KIAA1217: variants seen among roughly 807,000 people sequenced by gnomAD.
KIAA1217 encodes the protein KIAA1217.
A neutral mutation model predicts 163.9 loss-of-function variants in KIAA1217; 88 were observed. The observed-to-expected ratio is 0.54, with a 90% CI of 0.45 to 0.64. The LOEUF (loss-of-function observed/expected upper bound fraction) is 0.64. Among genes scored for constraint, KIAA1217 ranks in the 30% least tolerant of loss-of-function variants. KIAA1217 has a pLI of 0.00. For missense variants in KIAA1217, 2,372 were observed against 2,475.0 expected, an observed-to-expected ratio of 0.96 and a Z score of 0.88; for synonymous variants, 903 against 923.1, an observed-to-expected ratio of 0.98 and a Z score of 0.39.
chr10:23,985,014 A>G lies in KIAA1217; in HGVS notation c.-320-22211A>G, dbSNP rs1358437308. The stretch of plus-strand genomic sequence containing the variant: ...GCCACAACCACCATTCTTTTGGGAC[A>G]TGGCTCTCTATAGACTAAAAGAAGT... On this transcript the variant is annotated intron_variant, in intron 1 of 18. Transcript: ENST00000376462. Among the ~76,000 whole-genome samples, 3 of 152,040 alleles carry G rather than the reference A, an allele frequency of 2.0e-5. No individual in the cohort carries two copies. In the East Asian group the frequency reaches 5.8e-4, roughly 29 times the overall value.
intron 2 of KIAA1217, among the ~76,000 whole-genome samples, chr10:24,161,607 T>C (rs1217690408): frequency 6.6e-6 from 1 of 152,222 alleles, no homozygotes; most frequent in Non-Finnish European, 1.5e-5. Flanking sequence ...TATAAAGTTA[T>C]AAAGATATAA....
rs189030450 is a variant in KIAA1217 at position 23,775,549 on chromosome 10, C to T, written c.-321+80315C>T. Among the ~76,000 whole-genome samples the T allele has an allele frequency of 2.2e-4, 34 of 152,238 alleles. No homozygotes were observed. The South Asian group carries it at 4.2e-3, about 19-fold the overall frequency. ...TGTGCCTGGACCTTTGTCACTCCTC[C>T]GTCCCCAAGTCACACACGTCTGTTG... On this transcript the variant is annotated intron_variant, in intron 1 of 18. Transcript: ENST00000376462.
chr10:23,950,496 A>G (rs1200593348), intron 1 of KIAA1217, among the ~76,000 whole-genome samples: 1 of 140,556 alleles, frequency 7.1e-6, no homozygotes. Flanking sequence ...ACGGGAGGGG[A>G]AAAAAAAACA....
At chr10:24,076,856 C>A (rs2061382734) in intron 2 of KIAA1217, among the ~76,000 whole-genome samples, 1 of 150,896 alleles carries the variant, frequency 6.6e-6, no homozygotes, top group South Asian at 2.1e-4. Flanking sequence ...AGAAGTTAAA[C>A]TGCTAATTTT....
intron 1 of KIAA1217, among the ~76,000 whole-genome samples, chr10:23,717,045 C>T (rs1837615587): frequency 6.6e-6 from 1 of 152,104 alleles, no homozygotes; most frequent in African/African-American, 2.4e-5. Context: ...CAACTAACCA[C>T]ACAAAAACTA....
chr10:24,351,722 A>C (rs1285831993), intron 2 of KIAA1217, among the ~76,000 whole-genome samples: 1 of 152,138 alleles, frequency 6.6e-6, no homozygotes, highest in Non-Finnish European at 1.5e-5. Flanking sequence ...TAGTAAATTG[A>C]TCTATCTGAT....
intron 1 of KIAA1217, among the ~76,000 whole-genome samples, chr10:23,861,197 G>A (rs1423515518): frequency 1.3e-5 from 2 of 152,162 alleles, no homozygotes; most frequent in East Asian, 3.9e-4. Context: ...ACAGGTGTGA[G>A]CCACTGTGCC....
intron 2 of KIAA1217, among the ~76,000 whole-genome samples, chr10:24,298,335 T>A (rs1401704510): frequency 6.6e-6 from 1 of 152,202 alleles, no homozygotes; most frequent in African/African-American, 2.4e-5. Flanking sequence ...TTGATTTTTT[T>A]AAATCTATGT....
rs1190445063 is a variant in KIAA1217, at chr10:24,388,918, A to T, written c.553+7851A>T. Among the ~76,000 whole-genome samples, 6 of 147,212 alleles carry T rather than the reference A, an allele frequency of 4.1e-5. 1 individual carries two copies. The highest frequency in any genetic ancestry group is 8.9e-5 in the Non-Finnish European group (6 of 67,480). The stretch of plus-strand genomic sequence containing the variant: ...AGTCAGGAAACGACATGTGCTGGAG[A>T]GGATGTGGAGAAATAGGAACACTTT... On this transcript the variant is annotated intron_variant, in intron 3 of 20. Transcript: ENST00000376454.
At chr10:24,284,445 A>G (rs2078321885) in intron 2 of KIAA1217, among the ~76,000 whole-genome samples, 1 of 152,008 alleles carries the variant, frequency 6.6e-6, no homozygotes, top group South Asian at 2.1e-4. Context: ...CCGTGTGTTT[A>G]TTAGCTCCTA....
Position 24,209,272 on chromosome 10 carries a change from C to G in KIAA1217, c.70+9C>G, listed in dbSNP as rs200762781. ...CAGAAGACAGATGCAGGGTAAGTAA[C>G]AGACCCATTCAAAGATGGAGTTACA... On this transcript the variant is annotated intron_variant, in intron 1 of 20. Transcript: ENST00000376454. The G allele has an allele frequency of 2.9e-4, 473 of 1,608,298 alleles. 3 individuals are homozygous for G. In the African/African-American group the frequency reaches 5.4e-3, roughly 18 times the overall value.
chr10:23,921,622 C>T (rs10764434), intron 1 of KIAA1217, among the ~76,000 whole-genome samples: 64,122 of 151,944 alleles, frequency 0.42, 16,564 homozygotes, highest in African/African-American at 0.73. Flanking sequence ...ATACTTTGAG[C>T]TGGGGGCTGA....
chr10:23,978,947 T>G (rs758257752), intron 1 of KIAA1217, among the ~76,000 whole-genome samples: 1 of 152,150 alleles, frequency 6.6e-6, no homozygotes, highest in African/African-American at 2.4e-5. Context: ...GAATGTATTT[T>G]CTTTGAATTA....
intron 1 of KIAA1217, among the ~76,000 whole-genome samples, chr10:23,976,278 T>C (rs1352151096): frequency 6.6e-6 from 1 of 152,210 alleles, no homozygotes; most frequent in Non-Finnish European, 1.5e-5. Context: ...TCTCTGTTCA[T>C]CATTCCAGAC....
exon 2 of KIAA1217, chr10:24,007,273 G>C (rs1213204309): frequency 6.6e-6 from 1 of 152,134 alleles, no homozygotes. Flanking sequence ...CTGTGTCCTG[G>C]AGACGGAGTG....
intron 1 of KIAA1217, among the ~76,000 whole-genome samples, chr10:23,929,103 G>A (rs536516886): frequency 6.6e-6 from 1 of 152,138 alleles, no homozygotes; most frequent in Non-Finnish European, 1.5e-5. Context: ...AAATCAGGTA[G>A]GGCCTTGTAA....
intron 3 of KIAA1217, among the ~76,000 whole-genome samples, chr10:24,402,381 C>T (rs141579151): frequency 1.1e-3 from 170 of 151,838 alleles, no homozygotes; most frequent in African/African-American, 3.9e-3. Context: ...TATTGGTGGG[C>T]GCCTGTAGTC....
Position 23,945,664 on chromosome 10 carries a change from T to C in KIAA1217, c.-320-61561T>C, listed in dbSNP as rs180678310. Among the ~76,000 whole-genome samples, 647 of 152,334 alleles carry C rather than the reference T, an allele frequency of 4.2e-3. 1 individual carries two copies. The highest frequency in any genetic ancestry group is 6.6e-3 in the Non-Finnish European group (452 of 68,030). On this transcript the variant is annotated intron_variant, in intron 1 of 18. Transcript: ENST00000376462. Reference sequence around the variant, plus strand: ...CCAAGGGGTTATTAAAGTTCTTTTATTATGCAGGGGAGGTTTTTTAAATCA... The same window carrying C: ...CCAAGGGGTTATTAAAGTTCTTTTACTATGCAGGGGAGGTTTTTTAAATCA...
intron 1 of KIAA1217, among the ~76,000 whole-genome samples, chr10:23,846,812 C>A (rs139735835): frequency 4.0e-5 from 6 of 151,884 alleles, no homozygotes; most frequent in Non-Finnish European, 8.8e-5. Context: ...TGTCTTGTGC[C>A]GGTTTTCAAA....
Sources: allele counts gnomAD v4.1 joint callset (sites outside exome capture counted in the v4.1 genomes callset), GRCh38; gene constraint gnomAD v4.1.1; transcripts MANE v1.5; gene names NCBI Gene and HGNC (gene_info 2026-07-23, HGNC 2026-07-21).